AAK1: variants seen among roughly 807,000 people sequenced by gnomAD.
AAK1 encodes AP2-associated protein kinase 1.
Under a neutral mutation model 116.0 loss-of-function variants are expected in AAK1, and 37 were observed. The ratio of observed to expected loss-of-function variants is 0.32; its 90% confidence interval spans 0.25 to 0.42. The LOEUF is 0.42. AAK1 is among the 10% of genes least tolerant of loss of function. The pLI is 1.00. For missense variants in AAK1, 919 were observed against 1,170.6 expected (o/e 0.79, Z 3.14); for synonymous variants, 458 against 439.9 (o/e 1.04, Z -0.51).
intron 2 of AAK1, among the ~76,000 whole-genome samples, chr2:69,592,380 G>A (rs1360033727): frequency 6.6e-6 from 1 of 152,116 alleles, no homozygotes; most frequent in African/African-American, 2.4e-5. Context: ...GGCATCAAGT[G>A]GGCAGAGGTC....
rs887291738 is a variant in AAK1 at position 69,643,702 on chromosome 2, C to G, written c.-362G>C. On this transcript the variant is annotated 5_prime_UTR_variant, in exon 1 of 22. Transcript: ENST00000409085. ...GCCGGGGCCGCGCTCGGCTCCCGCC[C>G]GCCCGCCAGCTGATCCCGGGAGCGC... 4 of 1,217,298 alleles carry G rather than the reference C, an allele frequency of 3.3e-6. No individual in the cohort carries two copies. The African/African-American group carries it at 4.7e-5, about 14-fold the overall frequency. The allele number at this position is 1,217,298 out of a possible 1,614,324, so 75.4% of individuals were successfully genotyped here.
chr2:69,465,958 A>AGGG lies in AAK1; in HGVS notation c.*9910_*9911insCCC. 2 of 1,290,334 alleles carry AGGG rather than the reference A, an allele frequency of 1.5e-6. No homozygotes were observed. The highest frequency in any genetic ancestry group is 2.0e-6 in the Non-Finnish European group (2 of 988,752). The allele number at this position is 1,290,334 out of a possible 1,614,324, so 79.9% of individuals were successfully genotyped here. A position where few individuals can be genotyped will look rare whatever the true frequency, so the allele number is the denominator to read the frequency against. ...TGGGAGGTGCATTGGATAACTGTTA[A>AGGG]CTCCTCCATGCTTTTCTTCTTAGTG... On this transcript the variant is annotated 3_prime_UTR_variant, in exon 22 of 22. Transcript: ENST00000409085.
At chr2:69,577,154 G>A (rs1672347921) in intron 2 of AAK1, among the ~76,000 whole-genome samples, 1 of 152,222 alleles carries the variant, frequency 6.6e-6, no homozygotes, top group Non-Finnish European at 1.5e-5. Flanking sequence ...TTCACTCTGA[G>A]CAGCAGAACC....
chr2:69,495,919 A>G (rs1482477238), intron 17 of AAK1, 66 bp downstream of exon 17: 1 of 1,346,380 alleles, frequency 7.4e-7, no homozygotes, highest in Non-Finnish European at 1.0e-6. Flanking sequence ...TTAAGGCAGA[A>G]CTTTCTACAA....
intron 5 of AAK1, among the ~76,000 whole-genome samples, chr2:69,537,241 T>A (rs959360352): frequency 6.6e-6 from 1 of 152,340 alleles, no homozygotes; most frequent in Non-Finnish European, 1.5e-5. Flanking sequence ...GGGAAAATGA[T>A]TAAAGTGTTA....
chr2:69,492,585 T>TGACCTCAG (rs568633809), intron 17 of AAK1, among the ~76,000 whole-genome samples: 31 of 141,276 alleles, frequency 2.2e-4, no homozygotes, highest in Admixed American at 3.9e-4. Flanking sequence ...TGGAGGAGTG[T>TGACCTCAG]GACCTCAGCT....
intron 2 of AAK1, among the ~76,000 whole-genome samples, chr2:69,627,251 T>C (rs1674945076): frequency 6.8e-6 from 1 of 148,144 alleles, no homozygotes. Flanking sequence ...ACTGCACCAT[T>C]ACACTCCAGC....
Position 69,468,953 on chromosome 2 carries a change from C to T in AAK1, c.*6916G>A, listed in dbSNP as rs1674585474. On this transcript the variant is annotated 3_prime_UTR_variant, in exon 22 of 22. Transcript: ENST00000409085. ...ACTGGGAAAATCAGACTTAAAATTC[C>T]AACAACTTTGAATAATTTACAAAAA... 2.0e-6 allele frequency: 2 copies of T among 985,314 alleles called. No homozygotes were observed. The highest frequency in any genetic ancestry group is 1.2e-6 in the Non-Finnish European group (1 of 829,900). The allele number at this position is 985,314 out of a possible 1,614,324, so 61.0% of individuals were successfully genotyped here.
chr2:69,579,199 C>T (rs1486750532), intron 2 of AAK1, among the ~76,000 whole-genome samples: 1 of 152,184 alleles, frequency 6.6e-6, no homozygotes, highest in African/African-American at 2.4e-5. Flanking sequence ...AGGCCCAGGA[C>T]CTCTCTGTGG....
At chr2:69,614,150 G>C (rs1402016618) in intron 2 of AAK1, among the ~76,000 whole-genome samples, 1 of 152,184 alleles carries the variant, frequency 6.6e-6, no homozygotes, top group East Asian at 1.9e-4. Context: ...CAGAAGACAA[G>C]CAACAAAGAA....
At chr2:69,561,240 G>C (rs1024393224) in intron 2 of AAK1, among the ~76,000 whole-genome samples, 12 of 152,188 alleles carry the variant, frequency 7.9e-5, no homozygotes, top group Non-Finnish European at 1.5e-4. Flanking sequence ...AGAAGGGGAA[G>C]TGACACAGCT....
rs2104865057 is a variant in AAK1, at chr2:69,468,305, T to C, written c.*7564A>G. ...ATTTGTCTCAGTGATACCAAGATGA[T>C]AATTTCTGGGAGGAAATTCAAATAA... On this transcript the variant is annotated 3_prime_UTR_variant, in exon 22 of 22. Coordinates refer to ENST00000409085, the MANE Select transcript of AAK1 (RefSeq NM_014911.5). 2 of 985,370 alleles carry C rather than the reference T, an allele frequency of 2.0e-6. No individual in the cohort carries two copies. Among genetic ancestry groups the C allele is most frequent in the African/African-American group, 1.7e-5 (1 of 57,352 alleles). 61.0% of individuals were successfully genotyped at this position (985,370 alleles called of 1,614,324 possible). A position where few individuals can be genotyped will look rare whatever the true frequency, so the allele number is the denominator to read the frequency against.
At chr2:69,577,559 G>A (rs371794291) in intron 2 of AAK1, among the ~76,000 whole-genome samples, 2 of 152,204 alleles carry the variant, frequency 1.3e-5, no homozygotes, top group African/African-American at 2.4e-5. Context: ...ATGGGAGAGC[G>A]CCAAGAACTA....
At chr2:69,618,616 T>C (rs1031225175) in intron 2 of AAK1, among the ~76,000 whole-genome samples, 1 of 152,186 alleles carries the variant, frequency 6.6e-6, no homozygotes, top group African/African-American at 2.4e-5. Context: ...TACACTGGCT[T>C]CCACCCTGCC....
At chr2:69,479,659 C>A (rs961589924) in intron 19 of AAK1, among the ~76,000 whole-genome samples, 7 of 152,204 alleles carry the variant, frequency 4.6e-5, no homozygotes, top group African/African-American at 1.7e-4. Context: ...AGAACTCAAC[C>A]AGGTTCCCAC....
chr2:69,625,537 T>G (rs1674857974), intron 2 of AAK1, among the ~76,000 whole-genome samples: 1 of 152,128 alleles, frequency 6.6e-6, no homozygotes, highest in East Asian at 1.9e-4. Flanking sequence ...TAGTCCTCAT[T>G]TTACACATAG....
chr2:69,598,959 A>T, intron 2 of AAK1: 1 of 427,910 alleles, frequency 2.3e-6, no homozygotes. Context: ...TATTAACTTC[A>T]CATTCTACCA....
intron 2 of AAK1, among the ~76,000 whole-genome samples, chr2:69,566,072 A>G (rs1671853152): frequency 1.3e-5 from 2 of 150,042 alleles, no homozygotes; most frequent in Non-Finnish European, 3.0e-5. Context: ...GCACTATTCA[A>G]GTGGGAGAGT....
At chr2:69,548,280 G>A (rs1327683864) in intron 3 of AAK1, among the ~76,000 whole-genome samples, 1 of 151,840 alleles carries the variant, frequency 6.6e-6, no homozygotes. Flanking sequence ...AGACTGGGAG[G>A]AAAATAGATT....
Sources: allele counts gnomAD v4.1 joint callset (sites outside exome capture counted in the v4.1 genomes callset), GRCh38; gene constraint gnomAD v4.1.1; transcripts MANE v1.5; gene names NCBI Gene and HGNC (gene_info 2026-07-23, HGNC 2026-07-21).